Variants in BAZ2B observed in about 807,000 individuals in gnomAD.
BAZ2B encodes the protein bromodomain adjacent to zinc finger domain protein 2B.
In BAZ2B, 91 loss-of-function variants were observed where a neutral mutation model predicts 246.0. That is an observed-to-expected ratio of 0.37 (90% CI 0.31 to 0.44). BAZ2B has a LOEUF of 0.44. Ranked by LOEUF, BAZ2B falls within the 20% of genes least tolerant of loss-of-function variation. BAZ2B has a pLI of 1.00. For synonymous variants in BAZ2B, 855 were observed against 860.0 expected, an observed-to-expected ratio of 0.99 and a Z score of 0.10; for missense variants, 2,332 against 2,533.7, an observed-to-expected ratio of 0.92 and a Z score of 1.71.
At chr2:159,437,330 G>A (rs906025248) in intron 8 of BAZ2B, 1 of 151,804 alleles carries the variant, frequency 6.6e-6, no homozygotes, top group Admixed American at 6.6e-5. Context: ...TCTCTGGAGT[G>A]TTTCCAGTGT....
chr2:159,367,143 G>C (rs1003630789), intron 27 of BAZ2B, among the ~76,000 whole-genome samples: 1 of 152,154 alleles, frequency 6.6e-6, no homozygotes, highest in Non-Finnish European at 1.5e-5. Flanking sequence ...GAGGTCCTTT[G>C]AGATATATGT....
rs139790823 is a variant in BAZ2B at position 159,601,682 on chromosome 2, T to A, written c.-46+14560A>T. ...GTTGCAGTGAGCCGAGATTGTGCCA[T>A]TGTACTCCAGCCTGGGCGACAGGAG... On this transcript the variant is annotated intron_variant, in intron 1 of 36. Coordinates refer to ENST00000392783, the MANE Select transcript of BAZ2B (RefSeq NM_013450.4). Among the ~76,000 whole-genome samples the A allele has an allele frequency of 2.4e-4, 36 of 152,134 alleles. 1 individual carries two copies. In the South Asian group the frequency reaches 7.3e-3, roughly 31 times the overall value.
intron 1 of BAZ2B, among the ~76,000 whole-genome samples, chr2:159,577,981 A>C (rs1685759007): frequency 6.6e-6 from 1 of 152,208 alleles, no homozygotes. Context: ...ACTTGTTTTC[A>C]CTTGTCATTA....
intron 13 of BAZ2B, among the ~76,000 whole-genome samples, chr2:159,419,376 T>A (rs1196170263): frequency 6.6e-6 from 1 of 152,020 alleles, no homozygotes; most frequent in Non-Finnish European, 1.5e-5. Context: ...GAGAAAAAAA[T>A]CAAAATTTTG....
intron 3 of BAZ2B, among the ~76,000 whole-genome samples, chr2:159,470,883 T>G (rs2077700467): frequency 6.6e-6 from 1 of 152,158 alleles, no homozygotes; most frequent in Non-Finnish European, 1.5e-5. Flanking sequence ...CTATGTAAAA[T>G]GTATATGTTC....
chr2:159,649,804 G>A, the BAZ2B span, among the ~76,000 whole-genome samples: 3 of 151,966 alleles, frequency 2.0e-5, no homozygotes, highest in Admixed American at 1.3e-4. Context: ...TCCTTAAAGG[G>A]GTCCCATTAC....
intron 8 of BAZ2B, chr2:159,435,204 T>C (rs930252523): frequency 9.2e-5 from 14 of 151,800 alleles, no homozygotes; most frequent in African/African-American, 3.4e-4. Context: ...ATTTTATTAT[T>C]ATTATTTTTT....
At chr2:159,640,777 C>T in the BAZ2B span, among the ~76,000 whole-genome samples, 1 of 150,852 alleles carries the variant, frequency 6.6e-6, no homozygotes, top group Non-Finnish European at 1.5e-5. Context: ...CCTAATGATG[C>T]ATCTTAAAGA....
At position 159,325,094 on chromosome 2, in the gene BAZ2B, A is replaced by ATAT. The variant is rs2063415356; in HGVS notation, c.6210-143_6210-141dup. ...TATATATATTATATATATATATATT[A>ATAT]TATATATATATATATATATATTTTA... On this transcript the variant is annotated intron_variant, in intron 35 of 36. Coordinates refer to ENST00000392783, the MANE Select transcript of BAZ2B (RefSeq NM_013450.4). 3.6e-3 allele frequency: 10 copies of ATAT among 2,792 alleles called. 1 individual carries two copies. The highest frequency in any genetic ancestry group is 0.01 in the African/African-American group (9 of 860). The allele number at this position is 2,792 out of a possible 1,614,324, so 0.2% of individuals were successfully genotyped here.
rs1037007443 is a variant in BAZ2B at position 159,372,900 on chromosome 2, T to C, written c.4213+145A>G. The C allele has an allele frequency of 4.4e-6, 4 of 909,062 alleles. No individual in the cohort carries two copies. In the African/African-American group the frequency reaches 5.1e-5, roughly 12 times the overall value. The allele number at this position is 909,062 out of a possible 1,614,324, so 56.3% of individuals were successfully genotyped here. A position where few individuals can be genotyped will look rare whatever the true frequency, so the allele number is the denominator to read the frequency against. Reference sequence around the variant, plus strand: ...GAAGTGTGTATCAGTGAAGGGGCATTATGAGTGCAAAAGGAATGAGAATTA... The same window carrying C: ...GAAGTGTGTATCAGTGAAGGGGCATCATGAGTGCAAAAGGAATGAGAATTA... On this transcript the variant is annotated intron_variant, in intron 27 of 36. Transcript: ENST00000392783.
chr2:159,632,798 A>G, the BAZ2B span, among the ~76,000 whole-genome samples: 1 of 152,246 alleles, frequency 6.6e-6, no homozygotes, highest in Non-Finnish European at 1.5e-5. Flanking sequence ...ACTATTAAAA[A>G]TCTAGCAAGA....
chr2:159,529,229 C>A (rs971392536), intron 2 of BAZ2B, among the ~76,000 whole-genome samples: 2 of 151,976 alleles, frequency 1.3e-5, no homozygotes, highest in African/African-American at 4.8e-5. Context: ...ATACTCCATA[C>A]AACCAATGCT....
chr2:159,634,228 G>T, the BAZ2B span, among the ~76,000 whole-genome samples: 1 of 152,132 alleles, frequency 6.6e-6, no homozygotes, highest in Non-Finnish European at 1.5e-5. Context: ...GATCTTTCTT[G>T]TTCTATAGCT....
At chr2:159,640,291 C>A in the BAZ2B span, among the ~76,000 whole-genome samples, 2 of 152,002 alleles carry the variant, frequency 1.3e-5, no homozygotes, top group African/African-American at 4.8e-5. Context: ...GGACAGATCT[C>A]CCAGACACAA....
chr2:159,471,347 A>G (rs998267795), intron 3 of BAZ2B, among the ~76,000 whole-genome samples: 4 of 152,184 alleles, frequency 2.6e-5, no homozygotes, highest in Admixed American at 6.5e-5. Flanking sequence ...CACATCTGTA[A>G]TCCCAACACT....
intron 16 of BAZ2B, among the ~76,000 whole-genome samples, chr2:159,402,308 G>T (rs1196195170): frequency 6.6e-6 from 1 of 152,084 alleles, no homozygotes; most frequent in Admixed American, 6.6e-5. Context: ...AAATTAGCTG[G>T]GTGTGGTGGT....
chr2:159,630,331 C>CA, the BAZ2B span, among the ~76,000 whole-genome samples: 16 of 151,510 alleles, frequency 1.1e-4, no homozygotes, highest in African/African-American at 2.7e-4. Context: ...TCAAAAAAAC[C>CA]AAAAAAACAA....
intron 19 of BAZ2B, chr2:159,396,983 C>A: frequency 2.0e-6 from 2 of 1,015,414 alleles, no homozygotes; most frequent in Admixed American, 2.7e-5. Context: ...ATGACAGCAG[C>A]CAGTGCTACA....
In BAZ2B at chr2:159,348,769, C is replaced by T; in HGVS notation, c.5202G>A (p.Leu1734=). The change falls in exon 30 of 37, where the codon CTG becomes CTA. Residue 1734 remains leucine (L), a synonymous_variant. Transcript: ENST00000392783. Reference sequence around the variant, plus strand: ...CCTTTTCTCTTATTCCTCTGAGATGCAGCACTTTGAGCAAAGCTTTTAGGT... The same window carrying T: ...CCTTTTCTCTTATTCCTCTGAGATGTAGCACTTTGAGCAAAGCTTTTAGGT... The part of the protein sequence containing the change: ...PEDLKALLKV[L]HLRGIREKAL... 1 of 1,613,320 alleles carries T rather than the reference C, an allele frequency of 6.2e-7. No individual in the cohort carries two copies. Among genetic ancestry groups the T allele is most frequent in the Non-Finnish European group, 8.5e-7 (1 of 1,179,786 alleles).
Sources: allele counts gnomAD v4.1 joint callset (sites outside exome capture counted in the v4.1 genomes callset), GRCh38; gene constraint gnomAD v4.1.1; transcripts MANE v1.5; gene names NCBI Gene and HGNC (gene_info 2026-07-23, HGNC 2026-07-21).